The following EHD4 variants were observed in gnomAD, a reference collection of about 807,000 sequenced individuals.
The protein encoded by EHD4 is EH domain containing 4, also known as EH domain-containing protein 4.
A neutral mutation model predicts 51.0 loss-of-function variants in EHD4; 37 were observed. The ratio of observed to expected loss-of-function variants is 0.73; its 90% confidence interval spans 0.56 to 0.95. The LOEUF (loss-of-function observed/expected upper bound fraction) is 0.95. EHD4 is among the 40% of genes least tolerant of loss of function. EHD4 has a pLI of 0.00. For synonymous variants in EHD4, 297 were observed against 317.3 expected (o/e 0.94, Z 0.68); for missense variants, 632 against 733.1 (o/e 0.86, Z 1.59).
rs2067442179 is a variant in EHD4 at position 41,896,895 on chromosome 15, G to A, written c.*3750C>T. 6.6e-6 allele frequency: 1 copy of A among 152,134 alleles called. No homozygotes were observed. Among genetic ancestry groups the A allele is most frequent in the Admixed American group, 6.5e-5 (1 of 15,268 alleles). 9.4% of individuals were successfully genotyped at this position (152,134 alleles called of 1,614,324 possible). On this transcript the variant is annotated 3_prime_UTR_variant, in exon 6 of 6. Coordinates refer to ENST00000220325, the MANE Select transcript of EHD4 (RefSeq NM_139265.4). The stretch of plus-strand genomic sequence containing the variant: ...TTTTGGGTTTCTCTCCACAGGAAGA[G>A]TTGGGGCTCACAGGCACACCCTCTC...
rs150813878 is a variant in EHD4, at chr15:41,912,306, C to T, written c.925-2443G>A. Among the ~76,000 whole-genome samples the T allele has an allele frequency of 3.9e-5, 6 of 152,266 alleles. No homozygotes were observed. The East Asian group carries it at 5.8e-4, about 15-fold the overall frequency. On this transcript the variant is annotated intron_variant, in intron 4 of 5. Transcript: ENST00000220325. Reference sequence around the variant, plus strand: ...CGAGGTTTGTGGAAGTCTCCTGTTACGCTGCCTCTGCATGTCCACCCGCGT... The same window carrying T: ...CGAGGTTTGTGGAAGTCTCCTGTTATGCTGCCTCTGCATGTCCACCCGCGT...
chr15:41,914,778 C>T (rs1704392), intron 4 of EHD4, among the ~76,000 whole-genome samples: 75,337 of 143,562 alleles, frequency 0.52, 20,003 homozygotes, highest in African/African-American at 0.66. Flanking sequence ...CATTTCTTTA[C>T]AGGAGAATTT....
intron 1 of EHD4, among the ~76,000 whole-genome samples, chr15:41,963,225 C>T (rs1042968949): frequency 2.0e-5 from 3 of 151,832 alleles, no homozygotes; most frequent in Non-Finnish European, 4.4e-5. Context: ...GCTGACCTTC[C>T]CTCCACTATT....
At chr15:41,903,300 G>A (rs1342778682) in intron 5 of EHD4, among the ~76,000 whole-genome samples, 2 of 137,950 alleles carry the variant, frequency 1.4e-5, no homozygotes, top group Non-Finnish European at 3.1e-5. Flanking sequence ...AAAAAAACTT[G>A]GTGTTATCAT....
chr15:41,903,997 G>A (rs1336279622), intron 5 of EHD4, among the ~76,000 whole-genome samples: 3 of 151,946 alleles, frequency 2.0e-5, no homozygotes, highest in Non-Finnish European at 4.4e-5. Context: ...ATCTCAATGG[G>A]CCAAGGAGAT....
At chr15:41,941,331 T>C (rs1439577988) in intron 3 of EHD4, among the ~76,000 whole-genome samples, 3 of 152,220 alleles carry the variant, frequency 2.0e-5, no homozygotes, top group African/African-American at 7.2e-5. Flanking sequence ...CAAGGTAGAC[T>C]GTTATGAAGA....
chr15:41,917,523 T>C (rs914209910), intron 4 of EHD4, among the ~76,000 whole-genome samples: 2 of 152,144 alleles, frequency 1.3e-5, no homozygotes, highest in African/African-American at 4.8e-5. Flanking sequence ...TTAAAAATAG[T>C]TTTAAAAAAT....
chr15:41,914,339 T>G (rs2067569213), intron 4 of EHD4, among the ~76,000 whole-genome samples: 1 of 143,732 alleles, frequency 7.0e-6, no homozygotes, highest in South Asian at 2.3e-4. Context: ...AGCCAGGGTA[T>G]CAGCACGTTT....
At chr15:41,912,950 T>C (rs568128703) in intron 4 of EHD4, among the ~76,000 whole-genome samples, 1 of 152,358 alleles carries the variant, frequency 6.6e-6, no homozygotes, top group South Asian at 2.1e-4. Context: ...ATAATCTTAC[T>C]GAAGTTGTTC....
In EHD4 at chr15:41,920,450, AC is replaced by A. The variant is rs959316426; in HGVS notation, c.512-829del. On this transcript the variant is annotated intron_variant, in intron 3 of 5. Transcript: ENST00000220325. ...AGAGGAGGCCAAGCCCACAAAGTTGACTTTTAATCTCAGTCTGACTAGTTGC... is the reference window on the plus strand; with the variant it reads ...AGAGGAGGCCAAGCCCACAAAGTTGATTTTAATCTCAGTCTGACTAGTTGC... Among the ~76,000 whole-genome samples the A allele has an allele frequency of 1.2e-3, 190 of 152,350 alleles. 1 individual carries two copies. The highest frequency in any genetic ancestry group is 4.3e-3 in the African/African-American group (180 of 41,582).
At chr15:41,911,770 C>A (rs2067551144) in intron 4 of EHD4, among the ~76,000 whole-genome samples, 1 of 152,130 alleles carries the variant, frequency 6.6e-6, no homozygotes, top group Admixed American at 6.5e-5. Context: ...TTGAGACCAC[C>A]CCCTTCCCTG....
At chr15:41,905,970 C>T (rs1404853773) in intron 5 of EHD4, among the ~76,000 whole-genome samples, 1 of 152,236 alleles carries the variant, frequency 6.6e-6, no homozygotes, top group Non-Finnish European at 1.5e-5. Flanking sequence ...CTATGTCCAG[C>T]CTCATTTGTT....
chr15:41,965,395 G>C (rs898349973), intron 1 of EHD4, among the ~76,000 whole-genome samples: 4 of 152,210 alleles, frequency 2.6e-5, no homozygotes, highest in Non-Finnish European at 5.9e-5. Flanking sequence ...GTCACTGAGA[G>C]AAATGTGAAC....
At chr15:41,946,038 G>A (rs148900089) in intron 2 of EHD4, among the ~76,000 whole-genome samples, 4 of 152,216 alleles carry the variant, frequency 2.6e-5, no homozygotes, top group Admixed American at 6.5e-5. Flanking sequence ...TGCTTTGAAC[G>A]GTGCCTGACA....
At chr15:41,939,710 G>C (rs2067754361) in intron 3 of EHD4, among the ~76,000 whole-genome samples, 1 of 143,248 alleles carries the variant, frequency 7.0e-6, no homozygotes, top group African/African-American at 2.6e-5. Flanking sequence ...TGAGGCAGGA[G>C]AATCACTTGA....
chr15:41,917,896 G>C (rs1302498524), intron 4 of EHD4, among the ~76,000 whole-genome samples: 3 of 152,212 alleles, frequency 2.0e-5, no homozygotes, highest in Non-Finnish European at 4.4e-5. Context: ...GGTTAGCTGA[G>C]CCATATGGGA....
At chr15:41,953,965 A>C in intron 1 of EHD4, 25 bp from the exon 2 acceptor site, 1 of 1,605,996 alleles carries the variant, frequency 6.2e-7, no homozygotes, top group Non-Finnish European at 8.5e-7. Context: ...AAGAAGAGAA[A>C]GCTTAGCATC....
At chr15:41,955,285 C>A (rs188141171) in intron 1 of EHD4, among the ~76,000 whole-genome samples, 14 of 147,138 alleles carry the variant, frequency 9.5e-5, no homozygotes, top group Non-Finnish European at 1.8e-4. Flanking sequence ...AGAGGCCAAG[C>A]GGCTTGCCCA....
intron 1 of EHD4, among the ~76,000 whole-genome samples, chr15:41,955,019 T>C (rs1400055995): frequency 6.6e-6 from 1 of 152,248 alleles, no homozygotes; most frequent in South Asian, 2.1e-4. Flanking sequence ...CCAAAGTTTC[T>C]ACGTTTCTGT....
Sources: gnomAD v4.1 joint callset for allele counts (sites outside exome capture counted in the v4.1 genomes callset) on GRCh38, gnomAD v4.1.1 for gene constraint, MANE v1.5 for transcripts, NCBI Gene and HGNC (gene_info 2026-07-23, HGNC 2026-07-21) for gene names.